The following GPC5 variants were observed in gnomAD, a reference collection of about 807,000 sequenced individuals.
GPC5 encodes the protein glypican-5.
A neutral mutation model predicts 53.9 loss-of-function variants in GPC5; 47 were observed. The ratio of observed to expected loss-of-function variants is 0.87; its 90% CI spans 0.69 to 1.11. The LOEUF is 1.11. Ranked by LOEUF, GPC5 falls within the 50% of genes most tolerant of loss-of-function variation. GPC5 has a pLI of 0.00. For synonymous variants in GPC5, 286 were observed against 263.3 expected (o/e 1.09, Z -0.84); for missense variants, 748 against 713.1 (o/e 1.05, Z -0.56).
intron 6 of GPC5, among the ~76,000 whole-genome samples, chr13:92,044,375 T>C (rs1056895359): frequency 6.6e-6 from 1 of 152,184 alleles, no homozygotes. Context: ...TGAGCAGAAC[T>C]GGACTGCCAC....
chr13:91,575,254 C>T (rs1231689704), intron 2 of GPC5, among the ~76,000 whole-genome samples: 1 of 152,002 alleles, frequency 6.6e-6, no homozygotes, highest in African/African-American at 2.4e-5. Context: ...CATTTTCTTT[C>T]TTGGAACAAA....
intron 7 of GPC5, among the ~76,000 whole-genome samples, chr13:92,628,264 C>CTGTTATTTT (rs1885114961): frequency 6.6e-5 from 3 of 45,338 alleles, no homozygotes; most frequent in Admixed American, 2.8e-4. Flanking sequence ...CTTTTTCTTT[C>CTGTTATTTT]TTTTTTTTTT....
At chr13:91,457,811 T>C (rs1309467755) in intron 2 of GPC5, among the ~76,000 whole-genome samples, 1 of 151,980 alleles carries the variant, frequency 6.6e-6, no homozygotes, top group Non-Finnish European at 1.5e-5. Context: ...GTTGAGCAGG[T>C]ACAGTGGAAG....
chr13:91,809,023 G>T (rs538479867), intron 5 of GPC5, among the ~76,000 whole-genome samples: 5 of 152,196 alleles, frequency 3.3e-5, no homozygotes, highest in African/African-American at 9.6e-5. Context: ...AGAGCAAATT[G>T]TCAACAATAC....
At chr13:92,734,491 G>A (rs572979777) in intron 7 of GPC5, among the ~76,000 whole-genome samples, 1 of 151,884 alleles carries the variant, frequency 6.6e-6, no homozygotes, top group African/African-American at 2.4e-5. Flanking sequence ...TTTATTGAAA[G>A]AAAATGAAGA....
intron 2 of GPC5, among the ~76,000 whole-genome samples, chr13:91,584,871 G>A (rs2032503781): frequency 6.6e-6 from 1 of 152,170 alleles, no homozygotes; most frequent in South Asian, 2.1e-4. Flanking sequence ...GAGCCACTGT[G>A]CCAGGCCCAA....
intron 5 of GPC5, among the ~76,000 whole-genome samples, chr13:91,771,818 T>C (rs190146659): frequency 2.0e-3 from 300 of 152,308 alleles, no homozygotes; most frequent in African/African-American, 6.8e-3. Context: ...ATATGATATC[T>C]TACTTCAGAA....
chr13:92,223,084 A>G (rs533765445), intron 7 of GPC5, among the ~76,000 whole-genome samples: 2 of 152,240 alleles, frequency 1.3e-5, no homozygotes, highest in African/African-American at 4.8e-5. Flanking sequence ...GAGATCATTT[A>G]TTTTTACAGG....
At chr13:92,770,414 CAAAAA>C (rs34087505) in intron 7 of GPC5, among the ~76,000 whole-genome samples, 1 of 76,890 alleles carries the variant, frequency 1.3e-5, no homozygotes, top group Admixed American at 1.4e-4. Flanking sequence ...GACCCTGTCT[CAAAAA>C]AAAAAAAAAA....
At chr13:91,865,323 CTT>C (rs1475029906) in intron 5 of GPC5, among the ~76,000 whole-genome samples, 1 of 151,932 alleles carries the variant, frequency 6.6e-6, no homozygotes, top group Non-Finnish European at 1.5e-5. Flanking sequence ...CTGTTTTCCA[CTT>C]TCTCTTAAAA....
In GPC5 at chr13:92,173,873, G is replaced by A. The variant is rs376229252; in HGVS notation, c.1561+28884G>A. Among the ~76,000 whole-genome samples, 13 of 152,288 alleles carry A rather than the reference G, an allele frequency of 8.5e-5. 1 individual carries two copies. In the South Asian group the frequency reaches 2.7e-3, roughly 32 times the overall value. Reference sequence around the variant, plus strand: ...AATTCCCAGCACTTTGGGAAGCCGAGGAAGGTGGATCACTTGAGGTCAGGA... The same window carrying A: ...AATTCCCAGCACTTTGGGAAGCCGAAGAAGGTGGATCACTTGAGGTCAGGA... On this transcript the variant is annotated intron_variant, in intron 7 of 7. Coordinates refer to ENST00000377067, the MANE Select transcript of GPC5 (RefSeq NM_004466.6).
chr13:91,632,955 G>T lies in GPC5; in HGVS notation c.326-60232G>T, dbSNP rs552171731. ...TTTCTGGTGAGAGTTAGTTATCATA[G>T]CCTCCATGGCCTAGAGTGGAGCATA... On this transcript the variant is annotated intron_variant, in intron 2 of 7. Coordinates refer to ENST00000377067, the MANE Select transcript of GPC5 (RefSeq NM_004466.6). Among the ~76,000 whole-genome samples, 8 of 152,208 alleles carry T rather than the reference G, an allele frequency of 5.3e-5. No individual in the cohort carries two copies. In the East Asian group the frequency reaches 1.2e-3, roughly 22 times the overall value.
Position 92,135,639 on chromosome 13 carries a change from C to A in GPC5, c.1402-9191C>A, listed in dbSNP as rs553579309. Among the ~76,000 whole-genome samples the A allele has an allele frequency of 3.9e-5, 6 of 152,228 alleles. No homozygotes were observed. In the South Asian group the frequency reaches 1.2e-3, roughly 32 times the overall value. On this transcript the variant is annotated intron_variant, in intron 6 of 7. Coordinates refer to ENST00000377067, the MANE Select transcript of GPC5 (RefSeq NM_004466.6). ...GTATTAGAGCCAAGAGAGTGATAAG[C>A]CTTTTCTAACTTCAATATTCTGTGT...
chr13:91,761,575 T>C (rs1362994486), intron 5 of GPC5, among the ~76,000 whole-genome samples: 1 of 152,156 alleles, frequency 6.6e-6, no homozygotes, highest in Non-Finnish European at 1.5e-5. Flanking sequence ...TTGGGTTCAA[T>C]GAATCTGATG....
chr13:92,458,999 GA>G, intron 7 of GPC5, among the ~76,000 whole-genome samples: 1 of 151,976 alleles, frequency 6.6e-6, no homozygotes, highest in Admixed American at 6.6e-5. Context: ...TATCATTTAA[GA>G]TGTATAGTTT....
At chr13:91,972,774 T>C (rs1279563461) in intron 6 of GPC5, among the ~76,000 whole-genome samples, 3 of 152,176 alleles carry the variant, frequency 2.0e-5, no homozygotes, top group African/African-American at 7.2e-5. Flanking sequence ...TTCTTTTCTT[T>C]AAGAATGTTG....
intron 6 of GPC5, among the ~76,000 whole-genome samples, chr13:92,043,946 A>G (rs926334932): frequency 2.0e-5 from 3 of 152,160 alleles, no homozygotes; most frequent in Non-Finnish European, 2.9e-5. Context: ...CGATAACTTC[A>G]TGTTCTCTTT....
intron 7 of GPC5, among the ~76,000 whole-genome samples, chr13:92,778,826 C>T (rs553857276): frequency 2.6e-5 from 4 of 152,052 alleles, no homozygotes; most frequent in African/African-American, 7.2e-5. Flanking sequence ...CTATAAAACA[C>T]GATCAATAAT....
intron 4 of GPC5, among the ~76,000 whole-genome samples, chr13:91,748,023 C>T (rs75611342): frequency 1.4e-3 from 208 of 152,266 alleles, no homozygotes; most frequent in African/African-American, 4.6e-3. Context: ...GTTCTCATCC[C>T]GGACCAATAA....
Sources: allele counts gnomAD v4.1 joint callset (sites outside exome capture counted in the v4.1 genomes callset), GRCh38; gene constraint gnomAD v4.1.1; transcripts MANE v1.5; gene names NCBI Gene and HGNC (gene_info 2026-07-23, HGNC 2026-07-21).